Variants in TCF20 observed in about 807,000 individuals in gnomAD.
The protein encoded by TCF20 is SPRE-binding protein.
Under a neutral mutation model 148.6 loss-of-function variants are expected in TCF20, and 3 were observed. The observed-to-expected ratio is 0.02, with a 90% confidence interval of 0.01 to 0.05. The LOEUF is 0.05. TCF20 is among the 10% of genes least tolerant of loss of function. The pLI, the probability that TCF20 is intolerant of heterozygous loss-of-function variation, is 1.00. For synonymous variants in TCF20, 1,049 were observed against 909.5 expected (o/e 1.15, Z -2.76); for missense variants, 2,350 against 2,429.3 (o/e 0.97, Z 0.69).
chr22:42,231,011 A>T (rs190861917), intron 1 of TCF20, among the ~76,000 whole-genome samples: 54 of 151,794 alleles, frequency 3.6e-4, no homozygotes, highest in African/African-American at 1.2e-3. Flanking sequence ...AAAACACAAA[A>T]ATTAGCCAGG....
At chr22:42,167,635 T>C (rs1935869088) in intron 5 of TCF20, among the ~76,000 whole-genome samples, 2 of 152,184 alleles carry the variant, frequency 1.3e-5, no homozygotes, top group Admixed American at 6.5e-5. Flanking sequence ...CCAAGTCCTA[T>C]CATCCTGTTT....
intron 2 of TCF20, among the ~76,000 whole-genome samples, chr22:42,182,563 A>C (rs778066248): frequency 3.9e-5 from 6 of 152,302 alleles, no homozygotes; most frequent in Non-Finnish European, 7.4e-5. Flanking sequence ...AGCAGTGTGC[A>C]AACTCCACTA....
At chr22:42,271,578 A>T (rs1926623130), upstream of TCF20, among the ~76,000 whole-genome samples, 1 of 152,242 alleles carries the variant, frequency 6.6e-6, no homozygotes, top group Non-Finnish European at 1.5e-5. Flanking sequence ...CAGCAAGAGT[A>T]GGATGCGTTG....
chr22:42,219,058 C>T (rs1047525969), intron 1 of TCF20, among the ~76,000 whole-genome samples: 1 of 151,936 alleles, frequency 6.6e-6, no homozygotes, highest in African/African-American at 2.4e-5. Flanking sequence ...CTAGCATATA[C>T]CAACGACAGA....
In TCF20 at chr22:42,211,227, G is replaced by A. The variant is rs1251735343; in HGVS notation, c.4079C>T (p.Thr1360Ile). ...LKLEAIVQKITSPNIRRSASS... is the reference protein window; with the variant it reads ...LKLEAIVQKIISPNIRRSASS... The stretch of plus-strand genomic sequence containing the variant: ...TGCGCTCCTCCTAATATTTGGGGAT[G>A]TAATCTTCTGAACTATAGCTTCCAA... Residue 1360 changes from threonine to isoleucine, a missense_variant, in exon 2 of 6, where the codon ACA becomes ATA. Around this residue, in one of 7 missense-constraint regions of TCF20, gnomAD observed 231 missense variants for 213.7 expected, o/e 1.08. Coordinates refer to ENST00000677622, the MANE Select transcript of TCF20 (RefSeq NM_001378418.1). 1 of 1,614,184 alleles carries A rather than the reference G, an allele frequency of 6.2e-7. No individual in the cohort carries two copies. Among genetic ancestry groups the A allele is most frequent in the Non-Finnish European group, 8.5e-7 (1 of 1,180,032 alleles).
At chr22:42,262,863 C>T (rs898397462) in intron 1 of TCF20, among the ~76,000 whole-genome samples, 2 of 152,074 alleles carry the variant, frequency 1.3e-5, no homozygotes, top group Non-Finnish European at 2.9e-5. Flanking sequence ...TTTAATTGCC[C>T]TTCTCTACTA....
intron 1 of TCF20, among the ~76,000 whole-genome samples, chr22:42,256,596 CAAGAG>C (rs1925758742): frequency 6.6e-6 from 1 of 151,896 alleles, no homozygotes; most frequent in East Asian, 1.9e-4. Context: ...AGACTTTCAA[CAAGAG>C]AAGATGAAAA....
At chr22:42,266,348 G>GT (rs1454334970) in intron 1 of TCF20, among the ~76,000 whole-genome samples, 2 of 152,176 alleles carry the variant, frequency 1.3e-5, no homozygotes, top group Non-Finnish European at 2.9e-5. Flanking sequence ...ACAAAAGCTT[G>GT]TTTTTTATAC....
intron 1 of TCF20, among the ~76,000 whole-genome samples, chr22:42,321,120 G>A (rs1261829724): frequency 6.6e-6 from 1 of 152,260 alleles, no homozygotes; most frequent in Non-Finnish European, 1.5e-5. Context: ...CAGGAGCAAG[G>A]GCTGGGAGAA....
At chr22:42,183,303 TTA>T (rs67588321) in intron 2 of TCF20, among the ~76,000 whole-genome samples, 58,474 of 151,968 alleles carry the variant, frequency 0.38, 12,336 homozygotes, top group East Asian at 0.65. Flanking sequence ...ACCTGTGATC[TTA>T]TATATACAAA....
In TCF20 at chr22:42,212,434, G is replaced by A. The variant is rs1196656307; in HGVS notation, c.2872C>T (p.His958Tyr). ...GDHCHPPSIK[H>Y]ESYRGNASPG... ...CTGGCATTGCCGCGGTAAGACTCAT[G>A]CTTGATGCTAGGAGGATGGCAGTGG... is the stretch of plus-strand genomic sequence containing the variant. The change falls in exon 2 of 6, where the codon CAT becomes TAT. Residue 958 changes from histidine (H) to tyrosine (Y), a missense_variant. His to Tyr is a moderately conservative substitution (Grantham distance 83). Coordinates refer to ENST00000677622, the MANE Select transcript of TCF20 (RefSeq NM_001378418.1). The A allele has an allele frequency of 6.2e-7, 1 of 1,614,118 alleles. No homozygotes were observed. Among genetic ancestry groups the A allele is most frequent in the African/African-American group, 1.3e-5 (1 of 74,940 alleles).
intron 1 of TCF20, among the ~76,000 whole-genome samples, chr22:42,312,690 G>A (rs1001835015): frequency 2.0e-5 from 3 of 152,064 alleles, no homozygotes; most frequent in South Asian, 2.1e-4. Flanking sequence ...GTCAGGTCCC[G>A]GTCACCCCCC....
intron 1 of TCF20, among the ~76,000 whole-genome samples, chr22:42,320,121 C>T (rs886226185): frequency 1.2e-4 from 18 of 152,186 alleles, no homozygotes; most frequent in Admixed American, 6.5e-5. Flanking sequence ...CTGACCTCTC[C>T]GCCTTCTCCA....
At chr22:42,253,524 A>G (rs1202042145) in intron 1 of TCF20, among the ~76,000 whole-genome samples, 1 of 152,198 alleles carries the variant, frequency 6.6e-6, no homozygotes, top group Admixed American at 6.5e-5. Flanking sequence ...CCTTAGTAAT[A>G]TTTTCAAGAT....
intron 2 of TCF20, among the ~76,000 whole-genome samples, chr22:42,190,320 G>A (rs779515737): frequency 1.3e-5 from 2 of 152,122 alleles, no homozygotes; most frequent in Non-Finnish European, 2.9e-5. Context: ...AATTTGCTGG[G>A]TGTGTTGGCA....
chr22:42,216,764 G>C (rs1187753832), intron 1 of TCF20, among the ~76,000 whole-genome samples: 1 of 152,180 alleles, frequency 6.6e-6, no homozygotes, highest in Non-Finnish European at 1.5e-5. Context: ...AATTCATCAA[G>C]CCTAGGACCC....
rs573526465 is a variant in TCF20 at position 42,338,706 on chromosome 22, G to A, written c.-37+4773C>T. Among the ~76,000 whole-genome samples, 11 of 152,352 alleles carry A rather than the reference G, an allele frequency of 7.2e-5. No individual in the cohort carries two copies. Among genetic ancestry groups the A allele is most frequent in the Admixed American group, 3.9e-4 (6 of 15,302 alleles). ...AGGCGGGACGGGCTGGGCACGGCAC[G>A]AGGCGGCAACAATAGGCACCTCTTC... On this transcript the variant is annotated intron_variant, in intron 1 of 1. Coordinates refer to the TCF20 transcript ENST00000515426. The surrounding 1 kb of genome is among the most constrained non-coding windows in gnomAD (Gnocchi z 4.0).
At chr22:42,203,475 T>C (rs1161009360) in intron 2 of TCF20, among the ~76,000 whole-genome samples, 2 of 152,182 alleles carry the variant, frequency 1.3e-5, no homozygotes, top group African/African-American at 2.4e-5. Context: ...AGGTAATATA[T>C]GCAATAAAAT....
intron 2 of TCF20, among the ~76,000 whole-genome samples, chr22:42,189,764 T>C (rs1039239872): frequency 1.3e-5 from 2 of 152,230 alleles, no homozygotes; most frequent in Non-Finnish European, 2.9e-5. Context: ...ACGACAAATC[T>C]AGTCAAAGAA....
Sources: gnomAD v4.1 joint callset for allele counts (sites outside exome capture counted in the v4.1 genomes callset) on GRCh38, gnomAD v4.1.1 for gene constraint, gnomAD v4.1.1 regional missense constraint, Gnocchi (gnomAD v3.1) non-coding constraint, MANE v1.5 for transcripts, NCBI Gene and HGNC (gene_info 2026-07-23, HGNC 2026-07-21) for gene names.